The following TCF4 variants were observed in gnomAD, a reference collection of about 807,000 sequenced individuals.
TCF4 encodes the protein transcription factor 4.
A neutral mutation model predicts 82.1 loss-of-function variants in TCF4; 3 were observed. The ratio of observed to expected loss-of-function variants is 0.04; its 90% CI spans 0.02 to 0.09. TCF4 has a LOEUF of 0.09. TCF4 is among the 10% of genes least tolerant of loss of function. The pLI, the probability that TCF4 is intolerant of heterozygous loss-of-function variation, is 1.00. For missense variants in TCF4, 518 were observed against 852.7 expected, an observed-to-expected ratio of 0.61 and a Z score of 4.89; for synonymous variants, 276 against 309.6, an observed-to-expected ratio of 0.89 and a Z score of 1.14.
rs180788300 is a variant in TCF4 at position 55,254,561 on chromosome 18, G to A, written c.1286C>T (p.Ala429Val). Residue 429 changes from alanine to valine, a missense_variant, in exon 15 of 20, where the codon GCC (alanine) becomes GTC (valine). Physicochemically the swap from Ala to Val is moderately conservative, Grantham distance 64. This residue lies in a region of TCF4 where 144 missense variants were observed against 190.2 expected (regional missense o/e 0.76). Transcript: ENST00000354452. ...HGIIGPSHNG[A>V]MGGLGSGYGT... ...ATACCCTGAGCCCAGACCACCCATGGCTCCATTATGAGAAGGTCCAATGAT... is the reference window on the plus strand; with the variant it reads ...ATACCCTGAGCCCAGACCACCCATGACTCCATTATGAGAAGGTCCAATGAT... 4.3e-6 allele frequency: 7 copies of A among 1,613,790 alleles called. No homozygotes were observed. Among genetic ancestry groups the A allele is most frequent in the African/African-American group, 1.3e-5 (1 of 75,022 alleles).
intron 8 of TCF4, among the ~76,000 whole-genome samples, chr18:55,282,788 A>G (rs1443707644): frequency 1.3e-5 from 2 of 152,094 alleles, no homozygotes; most frequent in Admixed American, 6.6e-5. Context: ...AGTGACCCCA[A>G]TGATAAAATA....
chr18:55,382,362 G>A (rs1270152094), intron 6 of TCF4, among the ~76,000 whole-genome samples: 1 of 151,680 alleles, frequency 6.6e-6, no homozygotes, highest in Non-Finnish European at 1.5e-5. Context: ...CCTCCCCTCA[G>A]AATTGTATTT....
intron 13 of TCF4, chr18:55,259,606 A>C: frequency 4.0e-6 from 1 of 250,610 alleles, no homozygotes; most frequent in Non-Finnish European, 7.7e-6. Flanking sequence ...CATATTCATG[A>C]CTATATTAAC....
At chr18:55,548,885 T>C (rs1190825042) in intron 3 of TCF4, among the ~76,000 whole-genome samples, 1 of 152,178 alleles carries the variant, frequency 6.6e-6, no homozygotes, top group Non-Finnish European at 1.5e-5. Flanking sequence ...GGACAAGAAG[T>C]TGCTTTAGGT....
chr18:55,623,824 A>G (rs1190989441), intron 2 of TCF4, among the ~76,000 whole-genome samples: 3 of 152,156 alleles, frequency 2.0e-5, no homozygotes, highest in Non-Finnish European at 4.4e-5. Flanking sequence ...TTATTTTAAT[A>G]TTTAATGGTT....
intron 8 of TCF4, among the ~76,000 whole-genome samples, chr18:55,337,112 T>C (rs1175728677): frequency 1.3e-5 from 2 of 152,106 alleles, no homozygotes; most frequent in South Asian, 2.1e-4. Context: ...TGTGTTTAAA[T>C]ACTAGATAAT....
Position 55,585,295 on chromosome 18 carries a change from G to A in TCF4, c.130C>T (p.His44Tyr). The A allele has an allele frequency of 6.2e-7, 1 of 1,613,912 alleles. No individual in the cohort carries two copies. Among genetic ancestry groups the A allele is most frequent in the Non-Finnish European group, 8.5e-7 (1 of 1,179,854 alleles). Residue 44 changes from histidine to tyrosine, a missense_variant, in exon 3 of 20, where the codon CAT (histidine) becomes TAT (tyrosine). Around this residue, in one of 7 missense-constraint regions of TCF4, gnomAD observed 19 missense variants for 54.5 expected, o/e 0.35. Transcript: ENST00000354452. Reference protein sequence around the residue: ...KNGPTSLASGHFTGSNVEDRS... With the variant: ...KNGPTSLASGYFTGSNVEDRS... ...ATTTACATACTTGAGCCAGTAAAAT[G>A]TCCACTTGCCAAAGAAGTTGGTCCA...
chr18:55,291,349 G>A (rs1001321117), intron 8 of TCF4, among the ~76,000 whole-genome samples: 6 of 152,140 alleles, frequency 3.9e-5, no homozygotes, highest in Admixed American at 1.3e-4. Context: ...GTGCTTTGAA[G>A]CATCAAACTT....
intron 3 of TCF4, among the ~76,000 whole-genome samples, chr18:55,484,207 A>G (rs921962277): frequency 6.6e-6 from 1 of 152,208 alleles, no homozygotes; most frequent in African/African-American, 2.4e-5. Flanking sequence ...TTCCTCTTTC[A>G]AATTAATTAT....
At chr18:55,570,982 G>C (rs1393716010) in intron 3 of TCF4, among the ~76,000 whole-genome samples, 2 of 151,932 alleles carry the variant, frequency 1.3e-5, no homozygotes, top group African/African-American at 4.8e-5. Context: ...CTACAGGTGG[G>C]AGTGCAGATC....
intron 8 of TCF4, among the ~76,000 whole-genome samples, chr18:55,340,792 G>C (rs551261526): frequency 6.6e-6 from 1 of 152,168 alleles, no homozygotes; most frequent in South Asian, 2.1e-4. Flanking sequence ...GCATGACAGT[G>C]CTTTTTATTA....
At chr18:55,531,349 A>T (rs1357521811) in intron 3 of TCF4, among the ~76,000 whole-genome samples, 31 of 152,156 alleles carry the variant, frequency 2.0e-4, no homozygotes, top group Admixed American at 2.0e-3. Context: ...GTGACTTATT[A>T]ATCTTTATAT....
intron 6 of TCF4, among the ~76,000 whole-genome samples, chr18:55,379,394 G>T (rs2091478008): frequency 6.6e-6 from 1 of 152,190 alleles, no homozygotes. Flanking sequence ...TGAAGTGTAG[G>T]GGAGGAGCTG....
intron 5 of TCF4, among the ~76,000 whole-genome samples, chr18:55,426,119 A>ATATATATATATATATATATAT: frequency 1.3e-5 from 1 of 76,486 alleles, no homozygotes; most frequent in African/African-American, 4.6e-5. Flanking sequence ...ATATATATAT[A>ATATATATATATATATATATAT]CACACACACA....
chr18:55,254,695 G>A lies in TCF4; in HGVS notation c.1152C>T (p.Ser384=). The A allele has an allele frequency of 6.2e-7, 1 of 1,609,426 alleles. No individual in the cohort carries two copies. The highest frequency in any genetic ancestry group is 1.7e-5 in the Admixed American group (1 of 59,450). Residue 384 remains serine (S), a synonymous_variant, in exon 15 of 20, where the codon AGC becomes AGT. Transcript: ENST00000354452. ...GTCTTTCTAAACGATCTTCAATTCG[G>A]CTTTGCTGTTGGTTAACAAATGATG... is the stretch of plus-strand genomic sequence containing the variant. The part of the protein sequence containing the change: ...NYEGPLHSLQ[S]RIEDRLERLD...
intron 3 of TCF4, among the ~76,000 whole-genome samples, chr18:55,533,436 T>A (rs1000583470): frequency 2.6e-5 from 4 of 152,030 alleles, no homozygotes; most frequent in Non-Finnish European, 1.5e-5. Flanking sequence ...GTCTACCTGG[T>A]TAATGTTATC....
chr18:55,263,983 T>A (rs1358604840), intron 11 of TCF4, among the ~76,000 whole-genome samples: 2 of 152,022 alleles, frequency 1.3e-5, no homozygotes, highest in African/African-American at 4.8e-5. Flanking sequence ...TAAACAACTT[T>A]AAAATGAAGA....
intron 5 of TCF4, among the ~76,000 whole-genome samples, chr18:55,459,080 T>C (rs1015777689): frequency 1.1e-4 from 16 of 152,142 alleles, no homozygotes; most frequent in South Asian, 2.1e-4. Context: ...GGGGGCCTCG[T>C]GGACATAGTA....
intron 8 of TCF4, among the ~76,000 whole-genome samples, chr18:55,292,130 A>C (rs548671129): frequency 6.1e-4 from 93 of 152,248 alleles, no homozygotes; most frequent in South Asian, 1.7e-3. Context: ...AAATATTTAA[A>C]TTTTAGGTAT....
Sources: allele counts gnomAD v4.1 joint callset (sites outside exome capture counted in the v4.1 genomes callset), GRCh38; gene constraint gnomAD v4.1.1; regional missense constraint gnomAD v4.1.1; transcripts MANE v1.5; gene names NCBI Gene and HGNC (gene_info 2026-07-23, HGNC 2026-07-21).